Variants in CAPN7 observed in about 807,000 individuals in gnomAD.
The protein encoded by CAPN7 is calpain-7.
In CAPN7, 72 loss-of-function variants were observed where a neutral mutation model predicts 115.2. The observed-to-expected ratio is 0.63, with a 90% CI of 0.52 to 0.76. The LOEUF (loss-of-function observed/expected upper bound fraction) is 0.76. Among genes scored for constraint, CAPN7 ranks in the 30% least tolerant of loss-of-function variants. The pLI, the probability that CAPN7 is intolerant of heterozygous loss-of-function variation, is 0.00. For synonymous variants in CAPN7, 344 were observed against 322.3 expected (o/e 1.07, Z -0.72); for missense variants, 905 against 971.5 (o/e 0.93, Z 0.91).
In CAPN7 at chr3:15,206,305, G is replaced by A; in HGVS notation, c.-191G>A. On this transcript the variant is annotated 5_prime_UTR_variant, in exon 1 of 21. Transcript: ENST00000253693. ...GTGGGCTACAAGCCGGGTCTGGGCT[G>A]AGGGGCGCGGCTTCGCGGTGGACCC... 3.8e-6 allele frequency: 2 copies of A among 524,972 alleles called. No homozygotes were observed. Among genetic ancestry groups the A allele is most frequent in the South Asian group, 2.3e-5 (1 of 44,000 alleles). 32.5% of individuals were successfully genotyped at this position (524,972 alleles called of 1,614,324 possible).
At chr3:15,244,294 A>C (rs1303753610) in intron 16 of CAPN7, among the ~76,000 whole-genome samples, 1 of 152,214 alleles carries the variant, frequency 6.6e-6, no homozygotes, top group Non-Finnish European at 1.5e-5. Context: ...CCAGTGACAA[A>C]TATCGAGTTA....
Position 15,225,869 on chromosome 3 carries a change from T to A in CAPN7, c.726-1970T>A, listed in dbSNP as rs537676757. Among the ~76,000 whole-genome samples the A allele has an allele frequency of 1.7e-3, 258 of 152,250 alleles. 2 individuals are homozygous for A. The highest frequency in any genetic ancestry group is 5.4e-3 in the African/African-American group (223 of 41,556). On this transcript the variant is annotated intron_variant, in intron 6 of 20. Coordinates refer to ENST00000253693, the MANE Select transcript of CAPN7 (RefSeq NM_014296.3). ...AGTGGCACGGTATTTTCTTATTTTT[T>A]AAATTATTTTACTTTAGGAACAATC...
chr3:15,238,681 TGTTTTTGA>T (rs562257056), intron 12 of CAPN7, among the ~76,000 whole-genome samples: 73 of 152,220 alleles, frequency 4.8e-4, no homozygotes, highest in African/African-American at 1.7e-3. Context: ...GTCATTTTTG[TGTTTTTGA>T]GGTGATGTTT....
chr3:15,211,419 A>G (rs957571686), intron 1 of CAPN7, among the ~76,000 whole-genome samples: 1 of 152,184 alleles, frequency 6.6e-6, no homozygotes, highest in East Asian at 1.9e-4. Context: ...TCAGTTCCTT[A>G]TGCGTGAATT....
intron 4 of CAPN7, among the ~76,000 whole-genome samples, chr3:15,219,161 CTATTT>C (rs1274837754): frequency 7.9e-5 from 12 of 152,154 alleles, no homozygotes; most frequent in African/African-American, 2.9e-4. Context: ...AGATTTTTGT[CTATTT>C]TATTTAGTGC....
At position 15,217,283 on chromosome 3, in the gene CAPN7, T is replaced by C. The variant is rs1023581564; in HGVS notation, c.212-142T>C. ...AAGAAGGGAGGAAATTTGTCCTTTT[T>C]TAAGGATTTTTTTAACCTTGCTAAG... On this transcript the variant is annotated intron_variant, in intron 2 of 20. Transcript: ENST00000253693. 6 of 715,688 alleles carry C rather than the reference T, an allele frequency of 8.4e-6. No homozygotes were observed. In the African/African-American group the frequency reaches 1.6e-4, roughly 19 times the overall value. 44.3% of individuals were successfully genotyped at this position (715,688 alleles called of 1,614,324 possible). A position where few individuals can be genotyped will look rare whatever the true frequency, so the allele number is the denominator to read the frequency against.
chr3:15,229,575 T>TC (rs1694554503), intron 8 of CAPN7, among the ~76,000 whole-genome samples: 1 of 140,358 alleles, frequency 7.1e-6, no homozygotes, highest in East Asian at 2.0e-4. Context: ...TTTTTTTTTT[T>TC]TTTTTTTTTT....
Position 15,230,470 on chromosome 3 carries a change from G to T in CAPN7, c.967G>T (p.Glu323Ter). 6.2e-7 allele frequency: 1 copy of T among 1,612,466 alleles called. No individual in the cohort carries two copies. The highest frequency in any genetic ancestry group is 1.1e-5 in the South Asian group (1 of 90,998). Residue 323 changes from glutamate (E) to a stop codon, truncating the protein, a stop_gained, in exon 9 of 21, where the codon GAA (glutamate) becomes TAA (stop). Transcript: ENST00000253693. LOFTEE classifies it high-confidence loss of function. ...AATTTACCCTCAAAACAAGGATGGT[G>T]AACCAGAATACAATCCATGTGGGAA... is the stretch of plus-strand genomic sequence containing the variant. ...GIIYPQNKDG[E>*]PEYNPCGKYM...
intron 17 of CAPN7, chr3:15,246,488 G>C: frequency 2.3e-6 from 1 of 429,072 alleles, no homozygotes; most frequent in Non-Finnish European, 4.1e-6. Context: ...TCCTTTTTCA[G>C]ATGCAGAAGC....
chr3:15,233,689 T>C (rs1441717811), intron 10 of CAPN7, among the ~76,000 whole-genome samples, 178 bp from the exon 11 acceptor site: 1 of 152,212 alleles, frequency 6.6e-6, no homozygotes, highest in Non-Finnish European at 1.5e-5. Context: ...AATATGCATG[T>C]TCAAATTCAG....
At position 15,206,311 on chromosome 3, in the gene CAPN7, C is replaced by T. The variant is rs577264731; in HGVS notation, c.-185C>T. 5 of 527,928 alleles carry T rather than the reference C, an allele frequency of 9.5e-6. No individual in the cohort carries two copies. The highest frequency in any genetic ancestry group is 2.3e-5 in the South Asian group (1 of 44,114). 32.7% of individuals were successfully genotyped at this position (527,928 alleles called of 1,614,324 possible). On this transcript the variant is annotated 5_prime_UTR_variant, in exon 1 of 21. Transcript: ENST00000253693. ...TACAAGCCGGGTCTGGGCTGAGGGG[C>T]GCGGCTTCGCGGTGGACCCCAGCCC...
At chr3:15,208,337 T>C (rs2044746210) in intron 1 of CAPN7, among the ~76,000 whole-genome samples, 1 of 151,578 alleles carries the variant, frequency 6.6e-6, no homozygotes, top group Non-Finnish European at 1.5e-5. Flanking sequence ...CAGCCTGGAG[T>C]GCCGTGGCCC....
intron 8 of CAPN7, among the ~76,000 whole-genome samples, chr3:15,230,069 G>C (rs1300212250): frequency 6.6e-6 from 1 of 152,118 alleles, no homozygotes; most frequent in Non-Finnish European, 1.5e-5. Flanking sequence ...TGTCAAAGTT[G>C]TATCTACTTG....
At position 15,232,644 on chromosome 3, in the gene CAPN7, T is replaced by C. The variant is rs781169160; in HGVS notation, c.1158T>C (p.Tyr386=). 1.2e-6 allele frequency: 2 copies of C among 1,609,244 alleles called. No homozygotes were observed. The highest frequency in any genetic ancestry group is 3.4e-5 in the Admixed American group (2 of 58,986). Residue 386 remains tyrosine (Y), a synonymous_variant, in exon 10 of 21, where the codon TAT becomes TAC. Coordinates refer to ENST00000253693, the MANE Select transcript of CAPN7 (RefSeq NM_014296.3). ...EKAYMKVMGG[Y]DFPGSNSNID... The stretch of plus-strand genomic sequence containing the variant: ...CATACATGAAAGTCATGGGAGGATA[T>C]GATTTTCCAGGATCCAACTCCGTAA...
intron 4 of CAPN7, among the ~76,000 whole-genome samples, chr3:15,219,066 G>C (rs1040457753): frequency 6.6e-6 from 1 of 152,172 alleles, no homozygotes; most frequent in African/African-American, 2.4e-5. Context: ...TCTGAGGTCT[G>C]TGAGATTTAC....
At chr3:15,233,636 A>C (rs556159431) in intron 10 of CAPN7, among the ~76,000 whole-genome samples, 1 of 152,368 alleles carries the variant, frequency 6.6e-6, no homozygotes, top group African/African-American at 2.4e-5. Context: ...ACCTGTAAAA[A>C]ATAGTTTTTT....
At chr3:15,223,801 G>A (rs1166180105) in intron 6 of CAPN7, among the ~76,000 whole-genome samples, 1 of 152,130 alleles carries the variant, frequency 6.6e-6, no homozygotes, top group Non-Finnish European at 1.5e-5. Flanking sequence ...ACAGTACCTG[G>A]TGTAAAGTAA....
At position 15,248,766 on chromosome 3, in the gene CAPN7, G is replaced by A. The variant is rs141108524; in HGVS notation, c.2204+1309G>A. Reference sequence around the variant, plus strand: ...CCAGCACTTTGGAAGGCCAAGACAGGAGGATCGAGTTCAGGAGTTCAAGAC... The same window carrying A: ...CCAGCACTTTGGAAGGCCAAGACAGAAGGATCGAGTTCAGGAGTTCAAGAC... On this transcript the variant is annotated intron_variant, in intron 19 of 20. Transcript: ENST00000253693. 2.0e-5 allele frequency among the ~76,000 whole-genome samples: 3 copies of A among 152,264 alleles called. No homozygotes were observed. In the East Asian group the frequency reaches 5.8e-4, roughly 29 times the overall value.
At chr3:15,206,935 C>T (rs930461634) in intron 1 of CAPN7, among the ~76,000 whole-genome samples, 5 of 152,200 alleles carry the variant, frequency 3.3e-5, no homozygotes, top group African/African-American at 1.2e-4. Flanking sequence ...TTACAGCTAG[C>T]GGGAAATGGC....
Sources: gnomAD v4.1 joint callset for allele counts (sites outside exome capture counted in the v4.1 genomes callset) on GRCh38, gnomAD v4.1.1 for gene constraint, MANE v1.5 for transcripts, NCBI Gene and HGNC (gene_info 2026-07-23, HGNC 2026-07-21) for gene names.